The following SCN1A variants were observed in gnomAD, a reference collection of about 807,000 sequenced individuals.
SCN1A encodes the protein sodium channel protein type 1 subunit alpha.
A neutral mutation model predicts 193.7 loss-of-function variants in SCN1A; 13 were observed. The observed-to-expected ratio is 0.07, with a 90% CI of 0.04 to 0.11. The LOEUF is 0.11. SCN1A is among the 10% of genes least tolerant of loss of function. The pLI is 1.00. For synonymous variants in SCN1A, 781 were observed against 843.6 expected (o/e 0.93, Z 1.29); for missense variants, 1,432 against 2,451.1 (o/e 0.58, Z 8.78).
chr2:166,120,596 C>CTTTTTTTTTTTTTT (rs57044851), intron 2 of SCN1A, among the ~76,000 whole-genome samples: 10 of 72,458 alleles, frequency 1.4e-4, no homozygotes, highest in East Asian at 4.9e-4. Context: ...TTTCTTTTCT[C>CTTTTTTTTTTTTTT]TTTTTTTTTT....
At chr2:165,998,404 A>G (rs1690386000) in intron 25 of SCN1A, among the ~76,000 whole-genome samples, 1 of 151,028 alleles carries the variant, frequency 6.6e-6, no homozygotes, top group Non-Finnish European at 1.5e-5. Context: ...TTATAACTAT[A>G]AATACAAATA....
Position 166,073,561 on chromosome 2 carries a change from A to T in SCN1A, c.61T>A (p.Ser21Thr). 3 of 1,614,052 alleles carry T rather than the reference A, an allele frequency of 1.9e-6. No individual in the cohort carries two copies. The highest frequency in any genetic ancestry group is 2.5e-6 in the Non-Finnish European group (3 of 1,180,014). Residue 21 changes from serine to threonine, a missense_variant, in exon 4 of 29, where the codon TCT becomes ACT. By Grantham distance (58) the Ser-to-Thr change is moderately conservative (BLOSUM62 1). Coordinates refer to ENST00000674923, the MANE Select transcript of SCN1A (RefSeq NM_001165963.4). ...PDSFNFFTRE[S>T]LAAIERRIAE... ...ATGCGTCTTTCAATAGCCGCAAGAG[A>T]TTCTCTGGTGAAGAAGTTGAAGCTG... is the stretch of plus-strand genomic sequence containing the variant.
At chr2:166,136,168 A>C (rs1312039933) in intron 1 of SCN1A, among the ~76,000 whole-genome samples, 1 of 152,180 alleles carries the variant, frequency 6.6e-6, no homozygotes, top group Non-Finnish European at 1.5e-5. Flanking sequence ...TCATGACATC[A>C]AAGTCACCTG....
intron 2 of SCN1A, among the ~76,000 whole-genome samples, chr2:166,100,508 C>T (rs1395893482): frequency 6.6e-6 from 1 of 151,678 alleles, no homozygotes; most frequent in Admixed American, 6.6e-5. Flanking sequence ...ACAAAATTGA[C>T]AAATGGGATC....
At chr2:166,145,512 A>G (rs1484274962) in intron 1 of SCN1A, among the ~76,000 whole-genome samples, 2 of 128,382 alleles carry the variant, frequency 1.6e-5, no homozygotes, top group Non-Finnish European at 3.2e-5. Flanking sequence ...AGAATCTTTA[A>G]CTGTTGGAGA....
At chr2:166,067,364 G>A (rs1027728712) in intron 4 of SCN1A, among the ~76,000 whole-genome samples, 10 of 152,128 alleles carry the variant, frequency 6.6e-5, no homozygotes, top group South Asian at 4.1e-4. Context: ...GTAAGGGTTC[G>A]GGAAATACTG....
At chr2:166,069,557 G>C (rs1574351493) in intron 4 of SCN1A, among the ~76,000 whole-genome samples, 1 of 152,322 alleles carries the variant, frequency 6.6e-6, no homozygotes, top group East Asian at 1.9e-4. Flanking sequence ...ATTACAGAGA[G>C]CTTCAGTGTG....
Position 165,987,546 on chromosome 2 carries a change from T to G in SCN1A, c.*3699A>C, listed in dbSNP as rs1271467299. ...TAACATTCAACTGCAAGAAACAGAT[T>G]TGTACTTTTCCTTATTTACTTACAT... On this transcript the variant is annotated 3_prime_UTR_variant, in exon 29 of 29. Transcript: ENST00000674923. 6.6e-6 allele frequency: 1 copy of G among 152,138 alleles called. No homozygotes were observed. Among genetic ancestry groups the G allele is most frequent in the African/African-American group, 2.4e-5 (1 of 41,434 alleles). 9.4% of individuals were successfully genotyped at this position (152,138 alleles called of 1,614,324 possible). A position where few individuals can be genotyped will look rare whatever the true frequency, so the allele number is the denominator to read the frequency against.
Position 165,986,222 on chromosome 2 carries a change from G to T in SCN1A, c.*5023C>A, listed in dbSNP as rs969998754. On this transcript the variant is annotated 3_prime_UTR_variant, in exon 29 of 29. Transcript: ENST00000674923. ...TTTCAGGATAAAGGTCTTTAACTTG[G>T]ATATGTTCAGCTTTATAAATATTTA... is the stretch of plus-strand genomic sequence containing the variant. 5.3e-5 allele frequency: 8 copies of T among 151,966 alleles called. No individual in the cohort carries two copies. Among genetic ancestry groups the T allele is most frequent in the African/African-American group, 1.7e-4 (7 of 41,394 alleles). 9.4% of individuals were successfully genotyped at this position (151,966 alleles called of 1,614,324 possible).
At chr2:166,004,192 A>G (rs1348092915) in intron 23 of SCN1A, among the ~76,000 whole-genome samples, 1 of 151,642 alleles carries the variant, frequency 6.6e-6, no homozygotes, top group African/African-American at 2.4e-5. Context: ...AAATGGATGA[A>G]TAGAATTAGA....
At chr2:166,138,019 C>G (rs1413176677) in intron 1 of SCN1A, among the ~76,000 whole-genome samples, 1 of 152,088 alleles carries the variant, frequency 6.6e-6, no homozygotes, top group Admixed American at 6.5e-5. Flanking sequence ...GGCATTTTGT[C>G]CCTGCCCTAG....
chr2:166,045,716 A>T (rs951833469), intron 12 of SCN1A, among the ~76,000 whole-genome samples: 6 of 152,314 alleles, frequency 3.9e-5, no homozygotes, highest in African/African-American at 9.6e-5. Context: ...AGAAAAGCTG[A>T]TGAGTTTAAG....
rs1371074953 is a variant in SCN1A, at chr2:166,039,543, A to T, written c.2469T>A (p.Asp823Glu). 6.2e-7 allele frequency: 1 copy of T among 1,613,886 alleles called. No homozygotes were observed. The highest frequency in any genetic ancestry group is 8.5e-7 in the Non-Finnish European group (1 of 1,179,948). ...AGCCTTCTTGGAAATAATAGTAAGGATCCATGGCAATAATTTTCAGAAACA... is the reference window on the plus strand; with the variant it reads ...AGCCTTCTTGGAAATAATAGTAAGGTTCCATGGCAATAATTTTCAGAAACA... ...AEMFLKIIAM[D>E]PYYYFQEGWN... Residue 823 changes from aspartate (D) to glutamate (E), a missense_variant, in exon 17 of 29, where the codon GAT becomes GAA. Asp to Glu is a conservative substitution (Grantham distance 45). Transcript: ENST00000674923.
At chr2:166,048,561 C>A (rs536155055) in intron 10 of SCN1A, among the ~76,000 whole-genome samples, 127 of 152,120 alleles carry the variant, frequency 8.3e-4, no homozygotes, top group Admixed American at 1.4e-3. Context: ...GCATAGTATC[C>A]CATGATGTAT....
intron 28 of SCN1A, chr2:165,993,243 A>G (rs1002439856): frequency 6.8e-6 from 1 of 147,770 alleles, no homozygotes; most frequent in Non-Finnish European, 1.5e-5. Flanking sequence ...GACGTGTGAG[A>G]ATACAACTTT....
rs762836573 is a variant in SCN1A at position 165,994,210 on chromosome 2, G to A, written c.4788C>T (p.Arg1596=). 4 of 1,612,444 alleles carry A rather than the reference G, an allele frequency of 2.5e-6. No homozygotes were observed. Among genetic ancestry groups the A allele is most frequent in the African/African-American group, 1.3e-5 (1 of 74,812 alleles). The change falls in exon 28 of 29, where the codon CGC becomes CGT. Residue 1596 remains arginine, a synonymous_variant. Transcript: ENST00000674923. The part of the protein sequence containing the change: ...GECVLKLISL[R]HYYFTIGWNI... ...TCCATCCAATGGTAAAATAATAATG[G>A]CGTAGAGAGATGAGTTTCAGTACAC...
chr2:166,040,630 G>A (rs142881980), intron 16 of SCN1A, among the ~76,000 whole-genome samples: 90 of 152,206 alleles, frequency 5.9e-4, no homozygotes, highest in African/African-American at 2.1e-3. Flanking sequence ...GAGTTGACTG[G>A]CAAACACTTT....
At chr2:166,140,802 G>A (rs938839993) in intron 1 of SCN1A, among the ~76,000 whole-genome samples, 5 of 151,922 alleles carry the variant, frequency 3.3e-5, no homozygotes, top group Non-Finnish European at 5.9e-5. Flanking sequence ...AGTGCTTTTC[G>A]GCTCTGCTTG....
At position 165,988,853 on chromosome 2, in the gene SCN1A, C is replaced by T. The variant is rs1688770318; in HGVS notation, c.*2392G>A. 2 of 152,240 alleles carry T rather than the reference C, an allele frequency of 1.3e-5. No homozygotes were observed. Among genetic ancestry groups the T allele is most frequent in the African/African-American group, 4.8e-5 (2 of 41,400 alleles). 9.4% of individuals were successfully genotyped at this position (152,240 alleles called of 1,614,324 possible). A position where few individuals can be genotyped will look rare whatever the true frequency, so the allele number is the denominator to read the frequency against. On this transcript the variant is annotated 3_prime_UTR_variant, in exon 29 of 29. Transcript: ENST00000674923. The stretch of plus-strand genomic sequence containing the variant: ...TCTTTTCATAGCTCAAGGGGTCATC[C>T]ACCATCACTCTGGCTTCCATACTTC...
Sources: gnomAD v4.1 joint callset for allele counts (sites outside exome capture counted in the v4.1 genomes callset) on GRCh38, gnomAD v4.1.1 for gene constraint, MANE v1.5 for transcripts, NCBI Gene and HGNC (gene_info 2026-07-23, HGNC 2026-07-21) for gene names.